The following FERMT2 variants were observed in gnomAD, a reference collection of about 807,000 sequenced individuals.
FERMT2 encodes FERM domain containing kindlin 2.
Under a neutral mutation model 82.7 loss-of-function variants are expected in FERMT2, and 15 were observed. The ratio of observed to expected loss-of-function variants is 0.18; its 90% CI spans 0.12 to 0.28. FERMT2 has a LOEUF of 0.28. FERMT2 is among the 10% of genes least tolerant of loss of function. The pLI is 1.00. For missense variants in FERMT2, 645 were observed against 809.4 expected, an observed-to-expected ratio of 0.80 and a Z score of 2.46; for synonymous variants, 274 against 271.5, an observed-to-expected ratio of 1.01 and a Z score of -0.09.
intron 2 of FERMT2, among the ~76,000 whole-genome samples, chr14:52,946,038 G>A (rs995118028): frequency 2.3e-4 from 35 of 151,786 alleles, no homozygotes; most frequent in African/African-American, 5.3e-4. Flanking sequence ...CACCATACCC[G>A]GCTAATTTTT....
intron 3 of FERMT2, among the ~76,000 whole-genome samples, chr14:52,912,444 T>A (rs1397022769): frequency 2.0e-5 from 3 of 152,072 alleles, no homozygotes; most frequent in Admixed American, 2.0e-4. Context: ...TAAGACTGTT[T>A]AGAGGAAATA....
chr14:52,941,443 G>GA (rs1214698494), intron 2 of FERMT2, among the ~76,000 whole-genome samples: 1 of 151,556 alleles, frequency 6.6e-6, no homozygotes, highest in East Asian at 1.9e-4. Flanking sequence ...CTGACACTAA[G>GA]AAAAAAAATT....
At position 52,872,839 on chromosome 14, in the gene FERMT2, T is replaced by G; in HGVS notation, c.1233A>C (p.Glu411Asp). 5 of 1,614,054 alleles carry G rather than the reference T, an allele frequency of 3.1e-6. No homozygotes were observed. The highest frequency in any genetic ancestry group is 4.2e-6 in the Non-Finnish European group (5 of 1,179,908). ...GATGAGCTGGTGTGCCACTGGATTC[T>G]TCTTTGCTCTTATAACAAGAAATGG... ...DTSISCYKSK[E>D]ESSGTPAHQM... Residue 411 changes from glutamate to aspartate, a missense_variant, in exon 10 of 15, where the codon GAA becomes GAC. Glu to Asp is a conservative substitution (Grantham distance 45). Transcript: ENST00000341590.
At chr14:52,945,517 G>A (rs1187151827) in intron 2 of FERMT2, among the ~76,000 whole-genome samples, 1 of 151,990 alleles carries the variant, frequency 6.6e-6, no homozygotes, top group Non-Finnish European at 1.5e-5. Context: ...GACTCCCAAG[G>A]TGCTAGTATT....
intron 3 of FERMT2, among the ~76,000 whole-genome samples, chr14:52,901,488 A>T (rs1887646887): frequency 6.6e-6 from 1 of 152,198 alleles, no homozygotes; most frequent in Non-Finnish European, 1.5e-5. Flanking sequence ...TAGGGAGATT[A>T]TCCTGGGTTA....
At chr14:52,886,678 G>A (rs558843189) in intron 4 of FERMT2, among the ~76,000 whole-genome samples, 14 of 152,060 alleles carry the variant, frequency 9.2e-5, no homozygotes, top group Middle Eastern at 3.4e-3. Context: ...TATATATTAG[G>A]ATCTCATTTA....
At chr14:52,922,435 G>A (rs1406956041) in intron 2 of FERMT2, among the ~76,000 whole-genome samples, 3 of 151,942 alleles carry the variant, frequency 2.0e-5, no homozygotes, top group Non-Finnish European at 4.4e-5. Flanking sequence ...TGAAAGAGGG[G>A]GGCCTCCATA....
chr14:52,921,311 T>C (rs753321963), intron 2 of FERMT2, among the ~76,000 whole-genome samples: 4 of 152,240 alleles, frequency 2.6e-5, no homozygotes, highest in Admixed American at 6.5e-5. Context: ...GAATTACGGC[T>C]ACAGCTACTT....
chr14:52,865,901 T>C (rs538748543), intron 10 of FERMT2, among the ~76,000 whole-genome samples: 1 of 152,328 alleles, frequency 6.6e-6, no homozygotes, highest in Admixed American at 6.5e-5. Flanking sequence ...ATTTTGTAGA[T>C]TCCCCCCTGC....
chr14:52,928,080 A>G, intron 2 of FERMT2: 1 of 328,446 alleles, frequency 3.0e-6, no homozygotes, highest in Non-Finnish European at 6.5e-6. Flanking sequence ...GTTTGGAATG[A>G]AGAGGAGGTT....
At chr14:52,922,046 CTGA>C (rs1594997597) in intron 2 of FERMT2, among the ~76,000 whole-genome samples, 1 of 152,128 alleles carries the variant, frequency 6.6e-6, no homozygotes, top group East Asian at 1.9e-4. Context: ...GAAGGCATCC[CTGA>C]CCTAAGAACT....
chr14:52,925,502 T>C (rs1889207221), intron 2 of FERMT2, among the ~76,000 whole-genome samples: 1 of 137,212 alleles, frequency 7.3e-6, no homozygotes. Flanking sequence ...GAGGTTGCAG[T>C]GAACCAAGAC....
intron 3 of FERMT2, among the ~76,000 whole-genome samples, chr14:52,897,606 TAAG>T (rs1887363584): frequency 6.6e-6 from 1 of 152,116 alleles, no homozygotes; most frequent in African/African-American, 2.4e-5. Flanking sequence ...CATGTTTAAA[TAAG>T]AAGTCCAAAT....
At chr14:52,935,538 C>T (rs1889797779) in intron 2 of FERMT2, among the ~76,000 whole-genome samples, 1 of 152,172 alleles carries the variant, frequency 6.6e-6, no homozygotes, top group African/African-American at 2.4e-5. Context: ...TCCTATCTCT[C>T]CTTCTTTCCC....
At chr14:52,941,841 G>A (rs564885630) in intron 2 of FERMT2, among the ~76,000 whole-genome samples, 203 of 152,220 alleles carry the variant, frequency 1.3e-3, no homozygotes, top group African/African-American at 4.7e-3. Context: ...TACTACTGAT[G>A]CTTTCATGGT....
At chr14:52,933,668 C>T (rs1178105120) in intron 2 of FERMT2, among the ~76,000 whole-genome samples, 1 of 143,324 alleles carries the variant, frequency 7.0e-6, no homozygotes, top group Admixed American at 7.3e-5. Context: ...CGAGATCACG[C>T]CATTGCACTC....
intron 4 of FERMT2, among the ~76,000 whole-genome samples, chr14:52,882,969 G>A (rs779411756): frequency 1.5e-4 from 23 of 152,070 alleles, no homozygotes; most frequent in Admixed American, 2.0e-4. Context: ...AGGCTGAGGC[G>A]GTTGAATCAC....
chr14:52,884,326 G>A (rs1273920186), intron 4 of FERMT2, among the ~76,000 whole-genome samples: 1 of 152,216 alleles, frequency 6.6e-6, no homozygotes, highest in Non-Finnish European at 1.5e-5. Context: ...GTCTGGGCAG[G>A]CGCGGTGGCT....
chr14:52,860,869 TAGC>T, intron 12 of FERMT2: 1 of 675,424 alleles, frequency 1.5e-6, no homozygotes. Context: ...GAATATTTGT[TAGC>T]AGCTTTAAGG....
Sources: gnomAD v4.1 joint callset for allele counts (sites outside exome capture counted in the v4.1 genomes callset) on GRCh38, gnomAD v4.1.1 for gene constraint, MANE v1.5 for transcripts, NCBI Gene and HGNC (gene_info 2026-07-23, HGNC 2026-07-21) for gene names.